USP7: variants seen among roughly 807,000 people sequenced by gnomAD.
USP7 encodes the protein ubiquitin specific peptidase 7.
Under a neutral mutation model 162.9 loss-of-function variants are expected in USP7, and 9 were observed. The observed-to-expected ratio is 0.06, with a 90% CI of 0.03 to 0.10. The LOEUF (loss-of-function observed/expected upper bound fraction) is 0.10. Among genes scored for constraint, USP7 ranks in the 10% least tolerant of loss-of-function variants. The pLI is 1.00. For missense variants in USP7, 715 were observed against 1,373.7 expected (o/e 0.52, Z 7.58); for synonymous variants, 562 against 475.9 (o/e 1.18, Z -2.35).
chr16:8,943,081 C>T (rs1284100534), intron 1 of USP7, among the ~76,000 whole-genome samples: 2 of 152,092 alleles, frequency 1.3e-5, no homozygotes, highest in Admixed American at 6.5e-5. Context: ...TGAAATAATC[C>T]TGATGTAAAT....
intron 11 of USP7, among the ~76,000 whole-genome samples, chr16:8,910,296 G>A (rs1156737973): frequency 1.3e-5 from 2 of 152,082 alleles, no homozygotes; most frequent in African/African-American, 4.8e-5. Flanking sequence ...CAGAAACCTG[G>A]GGGACACAAC....
chr16:8,955,674 C>G (rs539648974), intron 1 of USP7, among the ~76,000 whole-genome samples: 6 of 131,730 alleles, frequency 4.6e-5, no homozygotes, highest in African/African-American at 1.1e-4. Context: ...CCACTGCACT[C>G]CAGCCTGGCA....
intron 2 of USP7, among the ~76,000 whole-genome samples, chr16:8,926,315 T>C (rs1034454494): frequency 4.6e-5 from 7 of 151,210 alleles, no homozygotes; most frequent in Non-Finnish European, 7.4e-5. Flanking sequence ...CCGTCTCTAC[T>C]AAAAATAAAA....
At chr16:8,899,780 A>T (rs1436429809) in intron 21 of USP7, 23 bp from the exon 22 acceptor site, 1 of 1,614,168 alleles carries the variant, frequency 6.2e-7, no homozygotes, top group Non-Finnish European at 8.5e-7. Context: ...GAAAGTTTGC[A>T]GTCTGAATCA....
chr16:8,951,635 T>C (rs950284948), intron 1 of USP7, among the ~76,000 whole-genome samples: 1 of 152,204 alleles, frequency 6.6e-6, no homozygotes, highest in Non-Finnish European at 1.5e-5. Context: ...TGCTGTAATA[T>C]CTAACTCTGT....
intron 11 of USP7, 138 bp from the exon 12 acceptor site, chr16:8,908,588 TA>T: frequency 3.1e-6 from 2 of 649,606 alleles, no homozygotes; most frequent in South Asian, 3.9e-5. Context: ...GGTGTCCATT[TA>T]GGGCATCTTT....
In USP7 at chr16:8,963,360, G is replaced by C. The variant is rs1301863685; in HGVS notation, c.-75C>G. ...CCCGGCGGGCGGGCGGCGGCGAGCC[G>C]GGGCGGCGGCGGCGGCGGCGGCGGC... On this transcript the variant is annotated 5_prime_UTR_variant, in exon 1 of 31. Transcript: ENST00000344836. The C allele has an allele frequency of 6.0e-6, 3 of 497,230 alleles. No homozygotes were observed. The highest frequency in any genetic ancestry group is 2.1e-5 in the African/African-American group (1 of 46,672). The allele number at this position is 497,230 out of a possible 1,614,324, so 30.8% of individuals were successfully genotyped here. A position where few individuals can be genotyped will look rare whatever the true frequency, so the allele number is the denominator to read the frequency against.
rs1025615929 is a variant in USP7 at position 8,893,223 on chromosome 16, C to G, written c.*775G>C. ...TTTCTTGTCGTCTGTTCCACTTTAA[C>G]GAAATTCTATTTATAATCCTTTCAC... On this transcript the variant is annotated 3_prime_UTR_variant, in exon 31 of 31. Coordinates refer to ENST00000344836, the MANE Select transcript of USP7 (RefSeq NM_003470.3). The G allele has an allele frequency of 3.3e-5, 5 of 152,154 alleles. No homozygotes were observed. The highest frequency in any genetic ancestry group is 5.9e-5 in the Non-Finnish European group (4 of 68,026). The allele number at this position is 152,154 out of a possible 1,614,324, so 9.4% of individuals were successfully genotyped here.
At chr16:8,922,945 A>C (rs1224667473) in intron 3 of USP7, among the ~76,000 whole-genome samples, 1 of 152,218 alleles carries the variant, frequency 6.6e-6, no homozygotes, top group African/African-American at 2.4e-5. Flanking sequence ...AGTAAGAATT[A>C]AGCCTGGTGG....
intron 23 of USP7, 92 bp downstream of exon 23, chr16:8,899,029 G>A (rs1237391666): frequency 8.8e-6 from 12 of 1,357,402 alleles, no homozygotes; most frequent in African/African-American, 8.7e-5. Flanking sequence ...GTGAAATGGC[G>A]AGCTAATTAT....
chr16:8,923,160 T>TAA, intron 3 of USP7, 55 bp downstream of exon 3: 1 of 41,594 alleles, frequency 2.4e-5, no homozygotes, highest in Non-Finnish European at 4.6e-5. Context: ...TAACTTAAGA[T>TAA]AAAATTGCAC....
chr16:8,904,862 C>G (rs531109913), intron 14 of USP7, among the ~76,000 whole-genome samples: 2 of 151,944 alleles, frequency 1.3e-5, no homozygotes, highest in South Asian at 4.2e-4. Flanking sequence ...GTCCCAGCTA[C>G]TTGGGAGGCT....
chr16:8,960,617 A>G (rs1170762051), intron 1 of USP7, among the ~76,000 whole-genome samples: 1 of 152,298 alleles, frequency 6.6e-6, no homozygotes, highest in Non-Finnish European at 1.5e-5. Flanking sequence ...TCCAGCTGCT[A>G]GTTCGTTAGG....
intron 2 of USP7, among the ~76,000 whole-genome samples, chr16:8,925,416 G>T (rs2141219721): frequency 6.6e-6 from 1 of 152,252 alleles, no homozygotes; most frequent in South Asian, 2.1e-4. Flanking sequence ...AAGAAACAAG[G>T]TTATGCCTCT....
At chr16:8,900,914 G>T (rs1299335751) in intron 20 of USP7, 76 bp downstream of exon 20, 4 of 1,450,194 alleles carry the variant, frequency 2.8e-6, no homozygotes, top group African/African-American at 2.8e-5. Context: ...TAACAAATTC[G>T]GGGTAAAAAG....
chr16:8,904,792 A>T (rs1049860627), intron 14 of USP7, among the ~76,000 whole-genome samples: 10 of 150,900 alleles, frequency 6.6e-5, no homozygotes, highest in Non-Finnish European at 3.0e-5. Flanking sequence ...AAAAAAAAAA[A>T]TAAAATAAAA....
chr16:8,955,858 C>A (rs1899776939), intron 1 of USP7, among the ~76,000 whole-genome samples: 1 of 152,132 alleles, frequency 6.6e-6, no homozygotes, highest in Non-Finnish European at 1.5e-5. Context: ...AAGGTTTGCT[C>A]AGCCTACACA....
chr16:8,911,822 T>C (rs1383998963), intron 10 of USP7, among the ~76,000 whole-genome samples: 1 of 152,136 alleles, frequency 6.6e-6, no homozygotes, highest in Non-Finnish European at 1.5e-5. Flanking sequence ...TCGAGGAAAT[T>C]ACCTGGGGCA....
Position 8,903,278 on chromosome 16 carries a change from G to C in USP7, c.1829C>G (p.Ser610Cys). 1 of 1,613,804 alleles carries C rather than the reference G, an allele frequency of 6.2e-7. No individual in the cohort carries two copies. The highest frequency in any genetic ancestry group is 2.2e-5 in the East Asian group (1 of 44,866). Reference sequence around the variant, plus strand: ...GGGACCGGTACGCACCATGGTCTGAGAGAGGCTCTGAACAAACTCAGCAAG... The same window carrying C: ...GGGACCGGTACGCACCATGGTCTGACAGAGGCTCTGAACAAACTCAGCAAG... ...SSLAEFVQSL[S>C]QTMGFPQDQI... The change falls in exon 16 of 31, where the codon TCT (serine) becomes TGT (cysteine). Residue 610 changes from serine (S) to cysteine (C), a missense_variant. By Grantham distance (112) the Ser-to-Cys change is moderately radical. Transcript: ENST00000344836.
Sources: gnomAD v4.1 joint callset for allele counts (sites outside exome capture counted in the v4.1 genomes callset) on GRCh38, gnomAD v4.1.1 for gene constraint, MANE v1.5 for transcripts, NCBI Gene and HGNC (gene_info 2026-07-23, HGNC 2026-07-21) for gene names.